Variants in ZGRF1 observed in about 807,000 individuals in gnomAD.
The protein encoded by ZGRF1 is zinc finger GRF-type containing 1.
A neutral mutation model predicts 203.5 loss-of-function variants in ZGRF1; 196 were observed. The ratio of observed to expected loss-of-function variants is 0.96; its 90% CI spans 0.86 to 1.08. The LOEUF (loss-of-function observed/expected upper bound fraction) is 1.08. ZGRF1 is among the 50% of genes least tolerant of loss of function. The pLI is 0.00. For missense variants in ZGRF1, 2,326 were observed against 2,416.3 expected, an observed-to-expected ratio of 0.96 and a Z score of 0.78; for synonymous variants, 809 against 841.3, an observed-to-expected ratio of 0.96 and a Z score of 0.66.
Position 112,585,556 on chromosome 4 carries a change from C to A in ZGRF1, c.4086G>T (p.Lys1362Asn). Residue 1362 changes from lysine (K) to asparagine (N), a missense_variant, in exon 14 of 28, where the codon AAG becomes AAT. Physicochemically the swap from Lys to Asn is moderately conservative, Grantham distance 94. Transcript: ENST00000505019. ...GCAAGAATACCTTATTTGGACCTTC[C>A]TTTTTAACCATGACAAGTTTTGCAG... ...SQPAKLVMVKKEGPNKGRLFY... is the reference protein window; with the variant it reads ...SQPAKLVMVKNEGPNKGRLFY... 1 of 1,608,898 alleles carries A rather than the reference C, an allele frequency of 6.2e-7. No homozygotes were observed. Among genetic ancestry groups the A allele is most frequent in the Non-Finnish European group, 8.5e-7 (1 of 1,178,116 alleles).
chr4:112,604,940 ACTCT>A (rs1750548939), intron 9 of ZGRF1, among the ~76,000 whole-genome samples: 1 of 152,184 alleles, frequency 6.6e-6, no homozygotes, highest in Non-Finnish European at 1.5e-5. Flanking sequence ...ATTTGAATAT[ACTCT>A]TATTCAAAAA....
chr4:112,622,520 GAAAA>G (rs5861105), intron 4 of ZGRF1, among the ~76,000 whole-genome samples: 1 of 75,250 alleles, frequency 1.3e-5, no homozygotes, highest in African/African-American at 6.2e-5. Flanking sequence ...ACTCCATCTC[GAAAA>G]AAAAAAAAAA....
At chr4:112,555,705 C>A (rs932693079) in intron 20 of ZGRF1, among the ~76,000 whole-genome samples, 8 of 152,110 alleles carry the variant, frequency 5.3e-5, no homozygotes, top group African/African-American at 1.9e-4. Flanking sequence ...CTGTTCTATC[C>A]ATTAATCAAT....
chr4:112,603,743 A>G (rs760936836), intron 9 of ZGRF1, 46 bp from the exon 10 acceptor site: 1 of 1,423,974 alleles, frequency 7.0e-7, no homozygotes, highest in Non-Finnish European at 9.8e-7. Flanking sequence ...CTATATGTTG[A>G]CATATATATT....
intron 4 of ZGRF1, among the ~76,000 whole-genome samples, chr4:112,620,506 G>C (rs1383976998): frequency 1.3e-5 from 2 of 152,164 alleles, no homozygotes; most frequent in Non-Finnish European, 2.9e-5. Context: ...TTGAGGCCAA[G>C]ATTATGAGAC....
chr4:112,569,901 T>G (rs929162697), intron 16 of ZGRF1, among the ~76,000 whole-genome samples: 1 of 152,086 alleles, frequency 6.6e-6, no homozygotes, highest in Non-Finnish European at 1.5e-5. Context: ...CATATCTACA[T>G]TAACAGATAG....
chr4:112,590,271 A>T (rs1747930892), intron 10 of ZGRF1, among the ~76,000 whole-genome samples: 1 of 152,182 alleles, frequency 6.6e-6, no homozygotes, highest in African/African-American at 2.4e-5. Context: ...TTATGTCCTC[A>T]AGTCCATAGT....
intron 21 of ZGRF1, among the ~76,000 whole-genome samples, 172 bp from the exon 22 acceptor site, chr4:112,554,154 T>G (rs1203648208): frequency 6.6e-6 from 1 of 151,702 alleles, no homozygotes; most frequent in African/African-American, 2.4e-5. Context: ...CTGCACCCAT[T>G]AACTCGTCAT....
chr4:112,592,025 A>T (rs1393107150), intron 10 of ZGRF1, among the ~76,000 whole-genome samples: 1 of 151,904 alleles, frequency 6.6e-6, no homozygotes, highest in East Asian at 1.9e-4. Context: ...TGAGTGACTG[A>T]TTAAATAAAT....
At chr4:112,623,732 G>T in intron 4 of ZGRF1, 85 bp downstream of exon 4, 1 of 701,204 alleles carries the variant, frequency 1.4e-6, no homozygotes, top group South Asian at 1.7e-5. Flanking sequence ...TTAATATTAT[G>T]ACTACACTAA....
chr4:112,586,598 T>C lies in ZGRF1; in HGVS notation c.3778-15A>G. The stretch of plus-strand genomic sequence containing the variant: ...CCACTTATCTCCTGCAATGGAATAA[T>C]TCAAGTTATCATAGCAACTCCAGAA... On this transcript the variant is annotated splice_polypyrimidine_tract_variant and intron_variant, in intron 12 of 27. Coordinates refer to ENST00000505019, the MANE Select transcript of ZGRF1 (RefSeq NM_018392.5). 6.3e-7 allele frequency: 1 copy of C among 1,582,032 alleles called. No homozygotes were observed. Among genetic ancestry groups the C allele is most frequent in the South Asian group, 1.2e-5 (1 of 85,488 alleles).
chr4:112,543,440 T>A (rs1738099888), intron 24 of ZGRF1, among the ~76,000 whole-genome samples: 2 of 152,232 alleles, frequency 1.3e-5, no homozygotes, highest in South Asian at 4.1e-4. Context: ...CTGAGAACTA[T>A]CTATATGGAT....
Position 112,539,494 on chromosome 4 carries a change from A to G in ZGRF1, c.*53T>C. ...GTAATAAAAATATAAAAAATATATCATGTAAAATGAGTCTGAATTTACATA... is the reference window on the plus strand; with the variant it reads ...GTAATAAAAATATAAAAAATATATCGTGTAAAATGAGTCTGAATTTACATA... On this transcript the variant is annotated 3_prime_UTR_variant, in exon 28 of 28. Transcript: ENST00000505019. 1 of 881,468 alleles carries G rather than the reference A, an allele frequency of 1.1e-6. No homozygotes were observed. Among genetic ancestry groups the G allele is most frequent in the Non-Finnish European group, 1.7e-6 (1 of 587,110 alleles). The allele number at this position is 881,468 out of a possible 1,614,324, so 54.6% of individuals were successfully genotyped here.
At chr4:112,568,973 G>A (rs1274090562) in intron 16 of ZGRF1, among the ~76,000 whole-genome samples, 1 of 151,844 alleles carries the variant, frequency 6.6e-6, no homozygotes, top group African/African-American at 2.4e-5. Context: ...CTGAGATCAC[G>A]CCACTGCACT....
rs755798692 is a variant in ZGRF1, at chr4:112,618,135, T to C, written c.1907A>G (p.Glu636Gly). 7 of 1,613,886 alleles carry C rather than the reference T, an allele frequency of 4.3e-6. No individual in the cohort carries two copies. Among genetic ancestry groups the C allele is most frequent in the East Asian group, 4.5e-5 (2 of 44,848 alleles). The change falls in exon 6 of 28, where the codon GAG becomes GGG. Residue 636 changes from glutamate to glycine, a missense_variant. Glu to Gly is a moderately conservative substitution (Grantham distance 98). Coordinates refer to ENST00000505019, the MANE Select transcript of ZGRF1 (RefSeq NM_018392.5). The part of the protein sequence containing the change: ...CKTENTGKEI[E>G]EYSDTLSNFE... Reference sequence around the variant, plus strand: ...ATTGCTTAATGTGTCACTATACTCCTCTATTTCTTTTCCTGTGTTTTCAGT... The same window carrying C: ...ATTGCTTAATGTGTCACTATACTCCCCTATTTCTTTTCCTGTGTTTTCAGT...
At chr4:112,604,182 C>T (rs988330223) in intron 9 of ZGRF1, among the ~76,000 whole-genome samples, 23 of 151,688 alleles carry the variant, frequency 1.5e-4, no homozygotes, top group African/African-American at 5.3e-4. Context: ...TGAGATCACG[C>T]CACTGCACTC....
rs1245710590 is a variant in ZGRF1, at chr4:112,619,482, C to A, written c.560G>T (p.Arg187Ile). 6.2e-7 allele frequency: 1 copy of A among 1,612,500 alleles called. No individual in the cohort carries two copies. The highest frequency in any genetic ancestry group is 2.2e-5 in the East Asian group (1 of 44,840). Residue 187 changes from arginine (R) to isoleucine (I), a missense_variant, in exon 6 of 28, where the codon AGA (arginine) becomes ATA (isoleucine). Transcript: ENST00000505019. ...ENIVTYKNRE[R>I]NAMDFSSVFS... ...AACCGAAGAAAAATCCATGGCATTT[C>A]TCTCCCTGTTCTTGTAAGTCACAAT...
chr4:112,603,099 A>G (rs1316311651), intron 10 of ZGRF1, among the ~76,000 whole-genome samples: 1 of 152,232 alleles, frequency 6.6e-6, no homozygotes, highest in African/African-American at 2.4e-5. Flanking sequence ...CACTGTTTCA[A>G]ATACATGCTT....
intron 7 of ZGRF1, among the ~76,000 whole-genome samples, chr4:112,611,633 CTG>C (rs1184616357): frequency 1.3e-5 from 2 of 152,194 alleles, no homozygotes; most frequent in African/African-American, 4.8e-5. Context: ...GGTTCCCAAA[CTG>C]TGCAACAAGG....
Sources: gnomAD v4.1 joint callset for allele counts (sites outside exome capture counted in the v4.1 genomes callset) on GRCh38, gnomAD v4.1.1 for gene constraint, MANE v1.5 for transcripts, NCBI Gene and HGNC (gene_info 2026-07-23, HGNC 2026-07-21) for gene names.